Variants in SGCZ observed in about 807,000 individuals in gnomAD.
The protein encoded by SGCZ is zeta-sarcoglycan.
A neutral mutation model predicts 41.3 loss-of-function variants in SGCZ; 40 were observed. The ratio of observed to expected loss-of-function variants is 0.97; its 90% CI spans 0.75 to 1.26. The LOEUF is 1.26. Ranked by LOEUF, SGCZ falls within the 50% of genes most tolerant of loss-of-function variation. The probability of loss-of-function intolerance (pLI) is 0.00; values close to 1 mark genes in which losing one functional copy is unlikely to be tolerated. For synonymous variants in SGCZ, 206 were observed against 137.5 expected (o/e 1.50, Z -3.49); for missense variants, 552 against 369.8 (o/e 1.49, Z -4.04).
At chr8:14,841,103 G>A (rs1197413326) in intron 1 of SGCZ, among the ~76,000 whole-genome samples, 2 of 149,014 alleles carry the variant, frequency 1.3e-5, no homozygotes, top group African/African-American at 4.9e-5. Context: ...ATAAGCATTT[G>A]AGAAGAACAA....
At chr8:15,195,547 A>G (rs1162106630) in intron 1 of SGCZ, among the ~76,000 whole-genome samples, 1 of 152,050 alleles carries the variant, frequency 6.6e-6, no homozygotes, top group Non-Finnish European at 1.5e-5. Context: ...CTCTTTCACA[A>G]TGCTAAAATG....
intron 1 of SGCZ, among the ~76,000 whole-genome samples, chr8:14,833,263 A>G (rs1036912258): frequency 1.3e-5 from 2 of 152,192 alleles, no homozygotes; most frequent in African/African-American, 4.8e-5. Context: ...CAGAGATGAC[A>G]AATTCAAGCA....
intron 1 of SGCZ, among the ~76,000 whole-genome samples, chr8:15,197,226 G>A (rs1800758280): frequency 6.6e-6 from 1 of 152,126 alleles, no homozygotes; most frequent in African/African-American, 2.4e-5. Flanking sequence ...TTATAACAAT[G>A]CTTTTACTGT....
chr8:14,291,678 A>AAT (rs1800846597), intron 3 of SGCZ, among the ~76,000 whole-genome samples: 1 of 61,130 alleles, frequency 1.6e-5, no homozygotes, highest in African/African-American at 4.8e-5. Context: ...TTTATTCGGA[A>AAT]ACATATATAT....
intron 1 of SGCZ, among the ~76,000 whole-genome samples, chr8:14,577,008 A>T (rs1448233047): frequency 6.6e-6 from 1 of 152,236 alleles, no homozygotes; most frequent in Non-Finnish European, 1.5e-5. Flanking sequence ...CATAATTTAG[A>T]TTTGCCATAT....
intron 2 of SGCZ, among the ~76,000 whole-genome samples, chr8:14,507,092 A>C (rs1288103701): frequency 7.2e-6 from 1 of 138,944 alleles, no homozygotes; most frequent in Non-Finnish European, 1.5e-5. Context: ...TGGGTAACTC[A>C]AAATTAACAT....
chr8:14,800,266 C>T lies in SGCZ; in HGVS notation c.40-245340G>A, dbSNP rs564657800. Reference sequence around the variant, plus strand: ...ACATTAATTTTAAATACCAAAAAGACATAAAAATGTCTATCACTCTAGTGG... The same window carrying T: ...ACATTAATTTTAAATACCAAAAAGATATAAAAATGTCTATCACTCTAGTGG... On this transcript the variant is annotated intron_variant, in intron 1 of 7. Coordinates refer to ENST00000382080, the MANE Select transcript of SGCZ (RefSeq NM_139167.4). Among the ~76,000 whole-genome samples the T allele has an allele frequency of 2.0e-5, 3 of 152,198 alleles. No individual in the cohort carries two copies. In the East Asian group the frequency reaches 5.8e-4, roughly 29 times the overall value.
At chr8:15,014,919 A>G (rs1802968299) in intron 1 of SGCZ, among the ~76,000 whole-genome samples, 1 of 152,216 alleles carries the variant, frequency 6.6e-6, no homozygotes, top group Admixed American at 6.5e-5. Context: ...AAACTACCGC[A>G]AACCTGGTCT....
chr8:14,235,516 G>C (rs1385155287), intron 4 of SGCZ, among the ~76,000 whole-genome samples: 2 of 152,112 alleles, frequency 1.3e-5, no homozygotes, highest in African/African-American at 2.4e-5. Context: ...GTTTGGAACG[G>C]TAACTGAAAA....
chr8:15,080,217 C>A (rs1036604894), intron 1 of SGCZ, among the ~76,000 whole-genome samples: 2 of 152,088 alleles, frequency 1.3e-5, no homozygotes, highest in East Asian at 3.9e-4. Context: ...CACAAGATTT[C>A]CAATAGAATT....
chr8:14,259,946 T>G (rs1343808729), intron 3 of SGCZ, among the ~76,000 whole-genome samples: 1 of 152,228 alleles, frequency 6.6e-6, no homozygotes, highest in Non-Finnish European at 1.5e-5. Context: ...CCCATGAGCA[T>G]GGAATGTTAA....
chr8:14,150,808 G>T (rs761830942), intron 5 of SGCZ, among the ~76,000 whole-genome samples: 1 of 152,118 alleles, frequency 6.6e-6, no homozygotes, highest in Admixed American at 6.5e-5. Flanking sequence ...TAAAGAAAAT[G>T]TGGTCCATAT....
chr8:14,314,926 G>A (rs570351470), intron 3 of SGCZ, among the ~76,000 whole-genome samples: 2 of 152,236 alleles, frequency 1.3e-5, no homozygotes, highest in Admixed American at 6.6e-5. Flanking sequence ...ATTTGCAAAT[G>A]TTTGCAAAAT....
At chr8:14,520,582 A>C (rs1802758734) in intron 2 of SGCZ, among the ~76,000 whole-genome samples, 2 of 152,172 alleles carry the variant, frequency 1.3e-5, no homozygotes, top group African/African-American at 4.8e-5. Flanking sequence ...GTACTGAAAA[A>C]ATAATTGCCA....
intron 1 of SGCZ, among the ~76,000 whole-genome samples, chr8:14,769,423 T>C (rs1247206604): frequency 1.3e-5 from 2 of 152,050 alleles, no homozygotes; most frequent in African/African-American, 4.8e-5. Flanking sequence ...AAGACCAACA[T>C]GAGATGTTAA....
At chr8:14,950,224 T>C (rs1354920135) in intron 1 of SGCZ, among the ~76,000 whole-genome samples, 3 of 152,050 alleles carry the variant, frequency 2.0e-5, no homozygotes, top group Non-Finnish European at 4.4e-5. Context: ...AAATGAAAGA[T>C]AGGCCAGAGG....
chr8:14,503,338 C>T (rs1802209134), intron 2 of SGCZ, among the ~76,000 whole-genome samples: 1 of 152,112 alleles, frequency 6.6e-6, no homozygotes, highest in Non-Finnish European at 1.5e-5. Context: ...GGAGGAATAC[C>T]TAACGTAGAT....
intron 5 of SGCZ, among the ~76,000 whole-genome samples, chr8:14,131,450 T>C (rs1386246996): frequency 6.6e-6 from 1 of 152,194 alleles, no homozygotes. Context: ...AATTTCTGTA[T>C]GTTATTCCAA....
chr8:14,500,270 G>A (rs1802112087), intron 2 of SGCZ, among the ~76,000 whole-genome samples: 1 of 152,020 alleles, frequency 6.6e-6, no homozygotes, highest in South Asian at 2.1e-4. Context: ...GGAGTACCCT[G>A]CTTTTGTTGT....
Sources: allele counts gnomAD v4.1 joint callset (sites outside exome capture counted in the v4.1 genomes callset), GRCh38; gene constraint gnomAD v4.1.1; transcripts MANE v1.5; gene names NCBI Gene and HGNC (gene_info 2026-07-23, HGNC 2026-07-21).